The following NBEAL2 variants were observed in gnomAD, a reference collection of about 807,000 sequenced individuals.
The protein encoded by NBEAL2 is neurobeachin like 2.
A neutral mutation model predicts 299.8 loss-of-function variants in NBEAL2; 160 were observed. The observed-to-expected ratio is 0.53, with a 90% CI of 0.47 to 0.61. The LOEUF is 0.61. Among genes scored for constraint, NBEAL2 ranks in the 20% least tolerant of loss-of-function variants. NBEAL2 has a pLI of 0.00. For missense variants in NBEAL2, 3,112 were observed against 3,649.0 expected (o/e 0.85, Z 3.79); for synonymous variants, 1,493 against 1,542.3 (o/e 0.97, Z 0.75).
rs755882966 is a variant in NBEAL2, at chr3:47,006,212, C to G, written c.6967C>G (p.Leu2323Val). 3.7e-6 allele frequency: 6 copies of G among 1,613,902 alleles called. No homozygotes were observed. The highest frequency in any genetic ancestry group is 5.1e-6 in the Non-Finnish European group (6 of 1,179,880). The change falls in exon 44 of 54, where the codon CTG becomes GTG. Residue 2323 changes from leucine to valine, a missense_variant. Around this residue, in one of 3 missense-constraint regions of NBEAL2, gnomAD observed 521 missense variants for 729.6 expected, o/e 0.71. Transcript: ENST00000450053. ...HVTDERERKALEGIISNFGQT... is the reference protein window; with the variant it reads ...HVTDERERKAVEGIISNFGQT... ...GACAGATGAGCGGGAACGGAAGGCT[C>G]TGGAGGGCATTATCAGCAACTTTGG...
chr3:47,004,753 C>G lies in NBEAL2; in HGVS notation c.6294+163C>G, dbSNP rs1163649230. The G allele has an allele frequency of 8.6e-6, 8 of 933,074 alleles. No individual in the cohort carries two copies. The highest frequency in any genetic ancestry group is 1.3e-5 in the Non-Finnish European group (8 of 606,902). The allele number at this position is 933,074 out of a possible 1,614,324, so 57.8% of individuals were successfully genotyped here. The stretch of plus-strand genomic sequence containing the variant: ...CTGTTCCCTGCCAACCCCCAGAGGT[C>G]CCCAGCCTCACTCCCTTCCCCTCCC... On this transcript the variant is annotated intron_variant, in intron 38 of 53. Transcript: ENST00000450053. The surrounding 1 kb of genome is among the most constrained non-coding windows in gnomAD (Gnocchi z 5.0).
At position 47,004,814 on chromosome 3, in the gene NBEAL2, C is replaced by T; in HGVS notation, c.6295-158C>T. 1 of 1,199,094 alleles carries T rather than the reference C, an allele frequency of 8.3e-7. No homozygotes were observed. The highest frequency in any genetic ancestry group is 1.4e-5 in the South Asian group (1 of 69,056). The allele number at this position is 1,199,094 out of a possible 1,614,324, so 74.3% of individuals were successfully genotyped here. On this transcript the variant is annotated intron_variant, in intron 38 of 53. Coordinates refer to ENST00000450053, the MANE Select transcript of NBEAL2 (RefSeq NM_015175.3). The surrounding 1 kb of genome is among the most constrained non-coding windows in gnomAD (Gnocchi z 5.0). ...CTATTCCTCAAAAGGAATCCTGTTC[C>T]AGGACACTCTGTCCTTCTCCCCTGT...
intron 52 of NBEAL2, 110 bp downstream of exon 52, chr3:47,008,778 GGTTT>G: frequency 6.6e-7 from 1 of 1,522,250 alleles, no homozygotes; most frequent in Admixed American, 2.1e-5. Context: ...CATATTTCAA[GGTTT>G]GTTACCTGTC....
At position 46,979,784 on chromosome 3, in the gene NBEAL2, T is replaced by C; in HGVS notation, c.-78T>C. 2.7e-6 allele frequency: 1 copy of C among 369,182 alleles called. No individual in the cohort carries two copies. The allele number at this position is 369,182 out of a possible 1,614,324, so 22.9% of individuals were successfully genotyped here. A position where few individuals can be genotyped will look rare whatever the true frequency, so the allele number is the denominator to read the frequency against. The stretch of plus-strand genomic sequence containing the variant: ...GAGTGACGCCCTCCGCCCATGGGCC[T>C]GGCCGAGGGCAACCGGCGGGCGGCG... On this transcript the variant is annotated 5_prime_UTR_variant, in exon 1 of 54. Transcript: ENST00000450053.
intron 25 of NBEAL2, 31 bp downstream of exon 25, chr3:46,999,505 G>A (rs907425690): frequency 1.3e-6 from 2 of 1,581,446 alleles, no homozygotes; most frequent in Non-Finnish European, 1.7e-6. Context: ...AGTGGAGGGG[G>A]TGACATGTCA....
chr3:47,009,408 T>A lies in NBEAL2; in HGVS notation c.*88T>A. 3 of 1,256,892 alleles carry A rather than the reference T, an allele frequency of 2.4e-6. No individual in the cohort carries two copies. The highest frequency in any genetic ancestry group is 3.3e-6 in the Non-Finnish European group (3 of 905,120). The allele number at this position is 1,256,892 out of a possible 1,614,324, so 77.9% of individuals were successfully genotyped here. On this transcript the variant is annotated 3_prime_UTR_variant, in exon 54 of 54. Coordinates refer to ENST00000450053, the MANE Select transcript of NBEAL2 (RefSeq NM_015175.3). ...AGAAGTCGGCGGGAACACCCCGGGG[T>A]GGGCAGCCCAGGGGGGTGAGCGGGG...
chr3:46,997,575 A>G lies in NBEAL2; in HGVS notation c.2839A>G (p.Arg947Gly). Residue 947 changes from arginine (R) to glycine (G), a missense_variant, in exon 20 of 54, where the codon AGG (arginine) becomes GGG (glycine). By Grantham distance (125) the Arg-to-Gly change is moderately radical. Coordinates refer to ENST00000450053, the MANE Select transcript of NBEAL2 (RefSeq NM_015175.3). ...LGKSSEERME[R>G]NAVAAFLLML... The stretch of plus-strand genomic sequence containing the variant: ...ATGGCTGGCAGAGGAACGGATGGAG[A>G]GGAACGCAGTGGCTGCTTTTCTGCT... 6.3e-7 allele frequency: 1 copy of G among 1,597,618 alleles called. No homozygotes were observed. Among genetic ancestry groups the G allele is most frequent in the Non-Finnish European group, 8.6e-7 (1 of 1,168,060 alleles).
intron 1 of NBEAL2, among the ~76,000 whole-genome samples, chr3:46,983,265 C>A (rs2035468719): frequency 6.6e-6 from 1 of 151,904 alleles, no homozygotes; most frequent in African/African-American, 2.4e-5. Flanking sequence ...CTCTCAGAAA[C>A]CTGGTCAGGC....
chr3:46,998,641 T>C (rs893761566), intron 22 of NBEAL2, 76 bp downstream of exon 22: 1 of 1,559,986 alleles, frequency 6.4e-7, no homozygotes, highest in Non-Finnish European at 8.7e-7. Flanking sequence ...GGCGGTGCGC[T>C]TCCCTGACTC....
At position 46,996,325 on chromosome 3, in the gene NBEAL2, A is replaced by G; in HGVS notation, c.2206A>G (p.Thr736Ala). ...SAGYRTTTTT[T>A]GLPTPPVPAT... Reference sequence around the variant, plus strand: ...TGGATACCGCACAACGACCACCACCACAGGGCTGCCCACACCACCAGTCCC... The same window carrying G: ...TGGATACCGCACAACGACCACCACCGCAGGGCTGCCCACACCACCAGTCCC... The change falls in exon 16 of 54, where the codon ACA becomes GCA. Residue 736 changes from threonine (T) to alanine (A), a missense_variant. Transcript: ENST00000450053. 1.9e-6 allele frequency: 3 copies of G among 1,611,420 alleles called. No homozygotes were observed. Among genetic ancestry groups the G allele is most frequent in the Non-Finnish European group, 2.5e-6 (3 of 1,179,836 alleles).
At position 47,008,537 on chromosome 3, in the gene NBEAL2, C is replaced by A. The variant is rs760693031; in HGVS notation, c.7896C>A (p.His2632Gln). 1 of 1,613,718 alleles carries A rather than the reference C, an allele frequency of 6.2e-7. No homozygotes were observed. The highest frequency in any genetic ancestry group is 2.2e-5 in the East Asian group (1 of 44,890). The change falls in exon 52 of 54, where the codon CAC becomes CAA. Residue 2632 changes from histidine (H) to glutamine (Q), a missense_variant. This residue lies in a region of NBEAL2 where 348 missense variants were observed against 381.4 expected (regional missense o/e 0.91). Transcript: ENST00000450053. ...TCCTCCAGGTCACCTACTCCTTGCA[C>A]CTGTATTCAGTCAATGGGAAGTTGC... ...RPGAQVTYSL[H>Q]LYSVNGKLRA...
At chr3:46,990,342 C>T (rs763684964) in intron 6 of NBEAL2, among the ~76,000 whole-genome samples, 21 of 152,190 alleles carry the variant, frequency 1.4e-4, no homozygotes, top group Admixed American at 1.3e-3. Context: ...TTTCATTTCT[C>T]CTCCCATCAT....
rs375435241 is a variant in NBEAL2, at chr3:47,000,273, C to T, written c.4174C>T (p.Leu1392=). Residue 1392 remains leucine (L), a synonymous_variant, in exon 27 of 54, where the codon CTG becomes TTG. Transcript: ENST00000450053. The surrounding 1 kb of genome is among the most constrained non-coding windows in gnomAD (Gnocchi z 4.5). ...CAGCCAGCCCGGCACTCCTTCGCCA[C>T]TGGATGGGCCGCGGCCCTTTCCTGC... is the stretch of plus-strand genomic sequence containing the variant. ...PASQPGTPSP[L]DGPRPFPAAP... is the part of the protein sequence containing the mutation. The T allele has an allele frequency of 1.2e-6, 2 of 1,613,032 alleles. No individual in the cohort carries two copies. The highest frequency in any genetic ancestry group is 1.1e-5 in the South Asian group (1 of 91,086).
chr3:47,003,929 A>G lies in NBEAL2; in HGVS notation c.5834A>G (p.Asn1945Ser). Residue 1945 changes from asparagine (N) to serine (S), a missense_variant, in exon 36 of 54, where the codon AAT becomes AGT. This residue lies in a region of NBEAL2 where 521 missense variants were observed against 729.6 expected (regional missense o/e 0.71). Transcript: ENST00000450053. This position sits in a 1 kb window ranked among gnomAD's most constrained non-coding sequence, Gnocchi z 7.0. Reference sequence around the variant, plus strand: ...GGGCTGCTGGAGGTCACCACACAGAATGTATACTTCTACGATGGCAGCACT... The same window carrying G: ...GGGCTGCTGGAGGTCACCACACAGAGTGTATACTTCTACGATGGCAGCACT... Reference protein sequence around the residue: ...VPGLLEVTTQNVYFYDGSTER... With the variant: ...VPGLLEVTTQSVYFYDGSTER... 1 of 1,613,648 alleles carries G rather than the reference A, an allele frequency of 6.2e-7. No homozygotes were observed. The highest frequency in any genetic ancestry group is 1.7e-4 in the Middle Eastern group (1 of 6,058).
chr3:46,991,340 G>T lies in NBEAL2; in HGVS notation c.642+36G>T, dbSNP rs576196077. 8.8e-6 allele frequency: 14 copies of T among 1,586,132 alleles called. No homozygotes were observed. In the Admixed American group the frequency reaches 1.3e-4, roughly 14 times the overall value. On this transcript the variant is annotated intron_variant, in intron 7 of 53. Transcript: ENST00000450053. This position sits in a 1 kb window ranked among gnomAD's most constrained non-coding sequence, Gnocchi z 6.2. Reference sequence around the variant, plus strand: ...AGGTGAGCCTGTGGACTAGAGAGCAGCTCTTTCAGTATCTCTCTGCTGGGT... The same window carrying T: ...AGGTGAGCCTGTGGACTAGAGAGCATCTCTTTCAGTATCTCTCTGCTGGGT...
intron 15 of NBEAL2, 62 bp downstream of exon 15, chr3:46,996,113 A>C: frequency 6.4e-7 from 1 of 1,556,006 alleles, no homozygotes; most frequent in Non-Finnish European, 8.7e-7. Flanking sequence ...CACAGTGGGC[A>C]GGTGTAGCCT....
chr3:46,999,606 G>A, intron 25 of NBEAL2, 24 bp from the exon 26 acceptor site: 1 of 1,601,460 alleles, frequency 6.2e-7, no homozygotes, highest in Non-Finnish European at 8.5e-7. Context: ...CAGTCCCTCA[G>A]GTCCCCCCAA....
Position 46,995,983 on chromosome 3 carries a change from C to T in NBEAL2, c.2083C>T (p.Leu695=). ...TGGGCGCCGGCCCTTCAGCCAGAAC[C>T]TGGTCCATGTCTACAAAGACGGCCA... is the stretch of plus-strand genomic sequence containing the variant. The part of the protein sequence containing the change: ...VPGRRPFSQN[L]VHVYKDGHLV... Residue 695 remains leucine (L), a synonymous_variant, in exon 15 of 54, where the codon CTG becomes TTG. Coordinates refer to ENST00000450053, the MANE Select transcript of NBEAL2 (RefSeq NM_015175.3). The T allele has an allele frequency of 6.2e-7, 1 of 1,613,198 alleles. No homozygotes were observed. Among genetic ancestry groups the T allele is most frequent in the African/African-American group, 1.3e-5 (1 of 75,062 alleles).
In NBEAL2 at chr3:47,001,151, G is replaced by T; in HGVS notation, c.4456G>T (p.Val1486Leu). Residue 1486 changes from valine (V) to leucine (L), a missense_variant, in exon 28 of 54, where the codon GTG becomes TTG. By Grantham distance (32) the Val-to-Leu change is conservative. Coordinates refer to ENST00000450053, the MANE Select transcript of NBEAL2 (RefSeq NM_015175.3). This position sits in a 1 kb window ranked among gnomAD's most constrained non-coding sequence, Gnocchi z 6.1. ...LTQLGASATL[V>L]RPPDCIKRSL... ...CCAGCTGGGGGCCTCAGCCACACTT[G>T]TGCGCCCACCAGACTGCATCAAGCG... 1 of 1,612,792 alleles carries T rather than the reference G, an allele frequency of 6.2e-7. No homozygotes were observed. The highest frequency in any genetic ancestry group is 1.3e-5 in the African/African-American group (1 of 75,022).
Sources: allele counts gnomAD v4.1 joint callset (sites outside exome capture counted in the v4.1 genomes callset), GRCh38; gene constraint gnomAD v4.1.1; regional missense constraint gnomAD v4.1.1; non-coding constraint Gnocchi (gnomAD v3.1); transcripts MANE v1.5; gene names NCBI Gene and HGNC (gene_info 2026-07-23, HGNC 2026-07-21).